Variants in CADM2 observed in about 807,000 individuals in gnomAD.
CADM2 encodes the protein cell adhesion molecule 2, also known as immunoglobulin superfamily member 4D.
CADM2 carries 12 observed loss-of-function variants against 49.8 expected under a neutral mutation model. The ratio of observed to expected loss-of-function variants is 0.24; its 90% CI spans 0.15 to 0.39. The LOEUF (loss-of-function observed/expected upper bound fraction) is 0.39, where lower values mean the gene tolerates loss of function less well. Ranked by LOEUF, CADM2 falls within the 10% of genes least tolerant of loss-of-function variation. The pLI is 1.00. For missense variants in CADM2, 378 were observed against 492.3 expected, an observed-to-expected ratio of 0.77 and a Z score of 2.20; for synonymous variants, 214 against 175.4, an observed-to-expected ratio of 1.22 and a Z score of -1.74.
intron 1 of CADM2, among the ~76,000 whole-genome samples, chr3:85,410,399 C>G (rs1441040984): frequency 6.6e-6 from 1 of 152,058 alleles, no homozygotes; most frequent in Non-Finnish European, 1.5e-5. Flanking sequence ...CATTTTAAAC[C>G]TATCTCTCCT....
chr3:85,370,639 T>C (rs1366841753), intron 1 of CADM2, among the ~76,000 whole-genome samples: 2 of 152,158 alleles, frequency 1.3e-5, no homozygotes, highest in Non-Finnish European at 2.9e-5. Flanking sequence ...AGTAAACAAC[T>C]ATGTTATTGG....
At chr3:85,162,653 T>A (rs1218103325) in intron 1 of CADM2, among the ~76,000 whole-genome samples, 1 of 152,126 alleles carries the variant, frequency 6.6e-6, no homozygotes, top group Admixed American at 6.6e-5. Context: ...TTCAATGACA[T>A]CTATACACTG....
chr3:85,979,179 T>C (rs1727162747), intron 8 of CADM2: 2 of 1,610,344 alleles, frequency 1.2e-6, no homozygotes, highest in Non-Finnish European at 1.7e-6. Context: ...CCCAACACTT[T>C]GCTTCCCACT....
rs1431053742 is a variant in CADM2 at position 86,069,344 on chromosome 3, T to C, written c.*2561T>C. On this transcript the variant is annotated 3_prime_UTR_variant, in exon 10 of 10. Transcript: ENST00000383699. ...CAGTTAGCTAAAACAACTAGATTAT[T>C]ATACTAGTTATAAATGCTGGTATAT... 2.6e-5 allele frequency: 4 copies of C among 151,988 alleles called. No individual in the cohort carries two copies. The highest frequency in any genetic ancestry group is 6.6e-5 in the Admixed American group (1 of 15,242). The allele number at this position is 151,988 out of a possible 1,614,324, so 9.4% of individuals were successfully genotyped here.
At chr3:85,515,005 T>C (rs1021478876) in intron 1 of CADM2, among the ~76,000 whole-genome samples, 14 of 152,168 alleles carry the variant, frequency 9.2e-5, no homozygotes, top group African/African-American at 3.1e-4. Flanking sequence ...ACTGTCCTTT[T>C]GCATATAGAA....
intron 1 of CADM2, among the ~76,000 whole-genome samples, chr3:85,336,244 C>G (rs890844594): frequency 6.6e-6 from 1 of 151,498 alleles, no homozygotes; most frequent in African/African-American, 2.4e-5. Context: ...CTTCAACCTA[C>G]CTTTCAATCC....
chr3:85,637,868 T>G (rs534950770), intron 1 of CADM2, among the ~76,000 whole-genome samples: 1 of 152,076 alleles, frequency 6.6e-6, no homozygotes, highest in African/African-American at 2.4e-5. Flanking sequence ...CACAAAAATT[T>G]AGGTGAAAAC....
chr3:85,742,781 A>G (rs572877442), intron 2 of CADM2, among the ~76,000 whole-genome samples: 1 of 152,302 alleles, frequency 6.6e-6, no homozygotes, highest in East Asian at 1.9e-4. Flanking sequence ...ATATCCAAAG[A>G]CAAAAGCCAT....
intron 7 of CADM2, among the ~76,000 whole-genome samples, chr3:85,958,592 T>G (rs1054387887): frequency 6.6e-6 from 1 of 151,956 alleles, no homozygotes; most frequent in Non-Finnish European, 1.5e-5. Context: ...TAAAGACACA[T>G]GCACACATAC....
At chr3:85,656,090 A>T (rs1480561320) in intron 1 of CADM2, among the ~76,000 whole-genome samples, 2 of 152,006 alleles carry the variant, frequency 1.3e-5, no homozygotes, top group African/African-American at 4.8e-5. Flanking sequence ...CCTACAGTGG[A>T]GTGAATGAAA....
Position 85,161,738 on chromosome 3 carries a change from C to G in CADM2, c.61+202070C>G, listed in dbSNP as rs548672538. Among the ~76,000 whole-genome samples the G allele has an allele frequency of 2.3e-4, 35 of 152,186 alleles. No homozygotes were observed. In the South Asian group the frequency reaches 6.8e-3, roughly 30 times the overall value. Reference sequence around the variant, plus strand: ...GTAAAATACAATAGAAATTTCAAGGCTGGGTGCGGTGACTCATGCCTGTAA... The same window carrying G: ...GTAAAATACAATAGAAATTTCAAGGGTGGGTGCGGTGACTCATGCCTGTAA... On this transcript the variant is annotated intron_variant, in intron 1 of 9. Transcript: ENST00000383699.
At chr3:85,696,953 A>T (rs1430714778) in intron 1 of CADM2, among the ~76,000 whole-genome samples, 1 of 151,830 alleles carries the variant, frequency 6.6e-6, no homozygotes, top group African/African-American at 2.4e-5. Context: ...AAATATTTTC[A>T]TAAATAGAGC....
intron 8 of CADM2, among the ~76,000 whole-genome samples, chr3:85,990,241 C>T (rs1305479978): frequency 6.6e-6 from 1 of 151,940 alleles, no homozygotes; most frequent in African/African-American, 2.4e-5. Flanking sequence ...TTTTCACTTT[C>T]AGTCAGTATT....
intron 1 of CADM2, among the ~76,000 whole-genome samples, chr3:85,526,058 A>T (rs1312133906): frequency 1.3e-5 from 2 of 152,118 alleles, no homozygotes; most frequent in Non-Finnish European, 1.5e-5. Flanking sequence ...ACCCTGTTCT[A>T]AGAACTGTAG....
At chr3:85,292,994 T>G (rs2043844902) in intron 1 of CADM2, among the ~76,000 whole-genome samples, 1 of 152,004 alleles carries the variant, frequency 6.6e-6, no homozygotes, top group Non-Finnish European at 1.5e-5. Flanking sequence ...AATTAATGAT[T>G]CCAGGAGCTG....
At chr3:85,483,969 A>G (rs749449964) in intron 1 of CADM2, among the ~76,000 whole-genome samples, 1 of 151,678 alleles carries the variant, frequency 6.6e-6, no homozygotes, top group African/African-American at 2.4e-5. Context: ...TTTAGGTCCT[A>G]CTATTTTTGC....
intron 1 of CADM2, among the ~76,000 whole-genome samples, chr3:85,198,653 T>A (rs981463692): frequency 6.6e-6 from 1 of 151,948 alleles, no homozygotes; most frequent in African/African-American, 2.4e-5. Context: ...GTATACATTT[T>A]AATTTTAACT....
intron 1 of CADM2, among the ~76,000 whole-genome samples, chr3:84,981,934 G>A (rs2032206126): frequency 6.6e-6 from 1 of 152,142 alleles, no homozygotes; most frequent in Non-Finnish European, 1.5e-5. Flanking sequence ...TTAGTGAAAA[G>A]CATTAATTTA....
intron 2 of CADM2, among the ~76,000 whole-genome samples, chr3:85,782,268 T>C (rs2070697349): frequency 6.6e-6 from 1 of 152,316 alleles, no homozygotes; most frequent in South Asian, 2.1e-4. Flanking sequence ...TTAACAAACA[T>C]TATATGATCT....
Sources: gnomAD v4.1 joint callset for allele counts (sites outside exome capture counted in the v4.1 genomes callset) on GRCh38, gnomAD v4.1.1 for gene constraint, MANE v1.5 for transcripts, NCBI Gene and HGNC (gene_info 2026-07-23, HGNC 2026-07-21) for gene names.